Variants in MXRA5 observed in about 807,000 individuals in gnomAD.
The protein encoded by MXRA5 is matrix remodeling associated 5.
Under a neutral mutation model 112.5 loss-of-function variants are expected in MXRA5, and 41 were observed. The observed-to-expected ratio is 0.36, with a 90% CI of 0.28 to 0.47. The LOEUF (loss-of-function observed/expected upper bound fraction) is 0.47, where lower values mean the gene tolerates loss of function less well. MXRA5 is among the 20% of genes least tolerant of loss of function. The pLI is 0.99. For missense variants in MXRA5, 2,150 were observed against 2,251.0 expected, an observed-to-expected ratio of 0.96 and a Z score of 0.91; for synonymous variants, 862 against 900.8, an observed-to-expected ratio of 0.96 and a Z score of 0.77.
rs376795964 is a variant in MXRA5 at position 3,310,914 on chromosome X, G to A, written c.7289C>T (p.Thr2430Met). Residue 2430 changes from threonine to methionine, a missense_variant, in exon 7 of 7, where the codon ACG becomes ATG. By Grantham distance (81) the Thr-to-Met change is moderately conservative. Around this residue, in one of 6 missense-constraint regions of MXRA5, gnomAD observed 1,485 missense variants for 1,471.6 expected, o/e 1.01. Coordinates refer to ENST00000217939, the MANE Select transcript of MXRA5 (RefSeq NM_015419.4). ...VRNSAGEDRK[T>M]VWIHVNVQPP... Reference sequence around the variant, plus strand: ...CTGGACGTTGACGTGAATCCACACCGTCTTCCTATCCTCTCCCGCGCTGTT... The same window carrying A: ...CTGGACGTTGACGTGAATCCACACCATCTTCCTATCCTCTCCCGCGCTGTT... 9.1e-5 allele frequency: 110 copies of A among 1,209,517 alleles called. 1 individual carries two copies. In the East Asian group the frequency reaches 1.1e-3, roughly 12 times the overall value.
chrX:3,343,724 C>A lies in MXRA5; in HGVS notation c.110G>T (p.Ser37Ile). ...CPHPCACYVP[S>I]EVHCTFRSLA... ...GGATCGGAACGTGCAGTGGACCTCG[C>A]TGGGGACGTAGCAGGCACAAGGATG... The change falls in exon 2 of 7, where the codon AGC becomes ATC. Residue 37 changes from serine to isoleucine, a missense_variant. Physicochemically the swap from Ser to Ile is moderately radical, Grantham distance 142 (BLOSUM62 -2). Transcript: ENST00000217939. 1 of 1,211,635 alleles carries A rather than the reference C, an allele frequency of 8.3e-7. No homozygotes were observed. Among genetic ancestry groups the A allele is most frequent in the East Asian group, 3.0e-5 (1 of 33,840 alleles).
Position 3,323,654 on chromosome X carries a change from G to A in MXRA5, c.2031C>T (p.Ser677=), listed in dbSNP as rs767627762. The A allele has an allele frequency of 8.3e-7, 1 of 1,209,011 alleles. No individual in the cohort carries two copies. Among genetic ancestry groups the A allele is most frequent in the South Asian group, 1.8e-5 (1 of 56,664 alleles). The stretch of plus-strand genomic sequence containing the variant: ...TTGCACCTGGGCGTCTGCCTCTTTT[G>A]GATGGCAAGCCAGACCCTTTCTTGG... ...TVTKKGSGLP[S]KRGRRPGAKA... The change falls in exon 5 of 7, where the codon TCC becomes TCT. Residue 677 remains serine, a synonymous_variant. Transcript: ENST00000217939.
intron 2 of MXRA5, among the ~76,000 whole-genome samples, chrX:3,340,169 G>A (rs1319357597): frequency 6.3e-5 from 7 of 111,897 alleles, no homozygotes; most frequent in Non-Finnish European, 1.1e-4. Flanking sequence ...TGTCCAAGCA[G>A]GAAACAGCAA....
chrX:3,333,036 C>T (rs1921703395), intron 2 of MXRA5, among the ~76,000 whole-genome samples: 1 of 110,891 alleles, frequency 9.0e-6, no homozygotes, highest in Admixed American at 9.6e-5. Flanking sequence ...GGCATGGCAG[C>T]TCATGCCTAT....
Position 3,321,159 on chromosome X carries a change from G to A in MXRA5, c.4526C>T (p.Thr1509Ile), listed in dbSNP as rs1240941771. The A allele has an allele frequency of 5.8e-6, 7 of 1,210,202 alleles. No individual in the cohort carries two copies. The Admixed American group carries it at 1.5e-4, about 26-fold the overall frequency. ...ILMSLGQTTTTKPALPSPRIS... is the reference protein window; with the variant it reads ...ILMSLGQTTTIKPALPSPRIS... ...TCTTGGACTGGGAAGTGCTGGCTTAGTGGTGGTGGTTTGTCCCAAAGACAT... is the reference window on the plus strand; with the variant it reads ...TCTTGGACTGGGAAGTGCTGGCTTAATGGTGGTGGTTTGTCCCAAAGACAT... Residue 1509 changes from threonine (T) to isoleucine (I), a missense_variant, in exon 5 of 7, where the codon ACT becomes ATT. Thr to Ile is a moderately conservative substitution (Grantham distance 89, BLOSUM62 -1). This residue lies in a region of MXRA5 where 1,485 missense variants were observed against 1,471.6 expected (regional missense o/e 1.01). Coordinates refer to ENST00000217939, the MANE Select transcript of MXRA5 (RefSeq NM_015419.4).
chrX:3,339,081 A>G (rs1200611086), intron 2 of MXRA5, among the ~76,000 whole-genome samples: 2 of 110,906 alleles, frequency 1.8e-5, no homozygotes, highest in African/African-American at 3.3e-5. Context: ...TTTGATCACA[A>G]CTATCAAGGT....
Position 3,321,880 on chromosome X carries a change from C to T in MXRA5, c.3805G>A (p.Val1269Ile). The T allele has an allele frequency of 2.5e-6, 3 of 1,210,906 alleles. No individual in the cohort carries two copies. The highest frequency in any genetic ancestry group is 3.5e-5 in the South Asian group (2 of 56,834). ...PSPENKHRNI[V>I]TPSSETILLP... ...AGTATAGTTTCTGAACTGGGAGTAA[C>T]AATGTTTCTATGTTTATTTTCTGGA... Residue 1269 changes from valine to isoleucine, a missense_variant, in exon 5 of 7, where the codon GTT (valine) becomes ATT (isoleucine). Val to Ile is a conservative substitution (Grantham distance 29, BLOSUM62 3). Coordinates refer to ENST00000217939, the MANE Select transcript of MXRA5 (RefSeq NM_015419.4).
intron 2 of MXRA5, among the ~76,000 whole-genome samples, chrX:3,339,867 C>T (rs1190887625): frequency 2.7e-5 from 3 of 112,144 alleles, no homozygotes; most frequent in Admixed American, 9.5e-5. Context: ...CTATCTTCAT[C>T]GCCTATTGAT....
At chrX:3,345,834 T>A (rs1922094764) in intron 1 of MXRA5, among the ~76,000 whole-genome samples, 1 of 112,670 alleles carries the variant, frequency 8.9e-6, no homozygotes, top group African/African-American at 3.2e-5. Flanking sequence ...CGGGATGAAT[T>A]ACGAGCTTTC....
rs1250495757 is a variant in MXRA5, at chrX:3,309,614, C to CACTGTGA, written c.*95_*101dup. 2 of 675,724 alleles carry CACTGTGA rather than the reference C, an allele frequency of 3.0e-6. No individual in the cohort carries two copies. The highest frequency in any genetic ancestry group is 4.4e-6 in the Non-Finnish European group (2 of 450,336). 55.7% of individuals were successfully genotyped at this position (675,724 alleles called of 1,213,427 possible). The stretch of plus-strand genomic sequence containing the variant: ...TTGAAACCCACCAGAGGCCACCATG[C>CACTGTGA]ACTGTGACACATTATTTAAGAGCTC... On this transcript the variant is annotated 3_prime_UTR_variant, in exon 7 of 7. Transcript: ENST00000217939.
rs779746828 is a variant in MXRA5 at position 3,310,927 on chromosome X, C to T, written c.7276G>A (p.Glu2426Lys). ...TGAATCCACACCGTCTTCCTATCCTCTCCCGCGCTGTTCCTGACCAAGCAG... is the reference window on the plus strand; with the variant it reads ...TGAATCCACACCGTCTTCCTATCCTTTCCCGCGCTGTTCCTGACCAAGCAG... ...YTCLVRNSAGEDRKTVWIHVN... is the reference protein window; with the variant it reads ...YTCLVRNSAGKDRKTVWIHVN... Residue 2426 changes from glutamate to lysine, a missense_variant, in exon 7 of 7, where the codon GAG becomes AAG. Physicochemically the swap from Glu to Lys is moderately conservative, Grantham distance 56. Around this residue, in one of 6 missense-constraint regions of MXRA5, gnomAD observed 1,485 missense variants for 1,471.6 expected, o/e 1.01. Coordinates refer to ENST00000217939, the MANE Select transcript of MXRA5 (RefSeq NM_015419.4). The T allele has an allele frequency of 1.7e-6, 2 of 1,209,821 alleles. No homozygotes were observed. The highest frequency in any genetic ancestry group is 3.0e-5 in the East Asian group (1 of 33,716).
intron 6 of MXRA5, among the ~76,000 whole-genome samples, chrX:3,314,421 T>A (rs1277852111): frequency 9.2e-6 from 1 of 109,289 alleles, no homozygotes; most frequent in African/African-American, 3.4e-5. Flanking sequence ...CTCCTGGGAG[T>A]AAAATCTCCT....
chrX:3,317,694 G>C lies in MXRA5; in HGVS notation c.5987C>G (p.Ser1996Cys). ...FPDRRVWQTV[S>C]PVEGRITLHE... ...CAGGGTGATGCGGCCCTCCACGGGG[G>C]ACACAGTTTGCCACACCCTCCTGTC... is the stretch of plus-strand genomic sequence containing the variant. The change falls in exon 6 of 7, where the codon TCC (serine) becomes TGC (cysteine). Residue 1996 changes from serine to cysteine, a missense_variant. Physicochemically the swap from Ser to Cys is moderately radical, Grantham distance 112 (BLOSUM62 -1). Transcript: ENST00000217939. The C allele has an allele frequency of 8.3e-7, 1 of 1,203,130 alleles. No homozygotes were observed. The highest frequency in any genetic ancestry group is 1.1e-6 in the Non-Finnish European group (1 of 890,210).
chrX:3,323,482 T>C lies in MXRA5; in HGVS notation c.2203A>G (p.Lys735Glu). 8.3e-7 allele frequency: 1 copy of C among 1,212,008 alleles called. No homozygotes were observed. Among genetic ancestry groups the C allele is most frequent in the East Asian group, 3.0e-5 (1 of 33,842 alleles). The stretch of plus-strand genomic sequence containing the variant: ...TTTCTTCTCCCTTTCTTGGCTTTCT[T>C]GTCTCCATTGATGGCATCATCCTTT... Reference protein sequence around the residue: ...KTKDDAINGDKKAKKGRRKLK... With the variant: ...KTKDDAINGDEKAKKGRRKLK... The change falls in exon 5 of 7, where the codon AAG (lysine) becomes GAG (glutamate). Residue 735 changes from lysine to glutamate, a missense_variant. By Grantham distance (56) the Lys-to-Glu change is moderately conservative (BLOSUM62 1). Around this residue, in one of 6 missense-constraint regions of MXRA5, gnomAD observed 1,485 missense variants for 1,471.6 expected, o/e 1.01. Coordinates refer to ENST00000217939, the MANE Select transcript of MXRA5 (RefSeq NM_015419.4).
At position 3,321,983 on chromosome X, in the gene MXRA5, G is replaced by A. The variant is rs763695097; in HGVS notation, c.3702C>T (p.His1234=). 15 of 1,211,463 alleles carry A rather than the reference G, an allele frequency of 1.2e-5. No homozygotes were observed. In the Admixed American group the frequency reaches 1.5e-4, roughly 12 times the overall value. ...ATCGATGTTTGTTTGGCCTCTTCCC[G>A]TGTTTTCTCCGTGGTGTTCCCTTGG... ...PTSKGTPRRK[H]GKRPNKHRYT... The change falls in exon 5 of 7, where the codon CAC becomes CAT. Residue 1234 remains histidine (H), a synonymous_variant. Transcript: ENST00000217939.
chrX:3,328,950 G>C (rs1921577622), intron 4 of MXRA5, among the ~76,000 whole-genome samples: 1 of 101,605 alleles, frequency 9.8e-6, no homozygotes, highest in Non-Finnish European at 2.0e-5. Flanking sequence ...GCGAGGGAGG[G>C]AAGGAAGGAA....
chrX:3,328,077 C>T (rs941166), intron 4 of MXRA5, among the ~76,000 whole-genome samples: 2 of 112,049 alleles, frequency 1.8e-5, no homozygotes, highest in African/African-American at 6.5e-5. Flanking sequence ...CCCTTACATC[C>T]ACTGGGGTGT....
chrX:3,311,689 C>T (rs995778901), intron 6 of MXRA5, 65 bp from the exon 7 acceptor site: 6 of 955,681 alleles, frequency 6.3e-6, no homozygotes, highest in Non-Finnish European at 8.7e-6. Context: ...GGCATTAGGT[C>T]GCTGGAATAA....
chrX:3,336,445 C>A (rs1921786606), intron 2 of MXRA5, among the ~76,000 whole-genome samples: 1 of 111,789 alleles, frequency 8.9e-6, no homozygotes, highest in Admixed American at 9.5e-5. Context: ...CTGGGGACCG[C>A]TGATCTATTG....
Sources: allele counts gnomAD v4.1 joint callset (sites outside exome capture counted in the v4.1 genomes callset), GRCh38; gene constraint gnomAD v4.1.1; regional missense constraint gnomAD v4.1.1; transcripts MANE v1.5; gene names NCBI Gene and HGNC (gene_info 2026-07-23, HGNC 2026-07-21).